The following AKAP6 variants were observed in gnomAD, a reference collection of about 807,000 sequenced individuals.
AKAP6 encodes A-kinase anchor protein 6.
AKAP6 carries 58 observed loss-of-function variants against 188.5 expected under a neutral mutation model. The ratio of observed to expected loss-of-function variants is 0.31; its 90% CI spans 0.25 to 0.38. The LOEUF is 0.38. Ranked by LOEUF, AKAP6 falls within the 10% of genes least tolerant of loss-of-function variation. AKAP6 has a pLI of 1.00. For synonymous variants in AKAP6, 989 were observed against 998.6 expected (o/e 0.99, Z 0.18); for missense variants, 2,710 against 2,740.0 (o/e 0.99, Z 0.24).
At chr14:32,800,059 C>CTATA (rs1305584690) in intron 12 of AKAP6, among the ~76,000 whole-genome samples, 11 of 111,368 alleles carry the variant, frequency 9.9e-5, no homozygotes, top group Admixed American at 1.8e-4. Context: ...CTCTCTCTCT[C>CTATA]TCTATATATA....
chr14:32,407,893 A>C lies in AKAP6; in HGVS notation c.-34-25567A>C, dbSNP rs1414767279. Among the ~76,000 whole-genome samples the C allele has an allele frequency of 2.0e-5, 3 of 152,210 alleles. No homozygotes were observed. The East Asian group carries it at 5.8e-4, about 29-fold the overall frequency. On this transcript the variant is annotated intron_variant, in intron 1 of 13. Transcript: ENST00000280979. ...AATCTGGGTAAAATAATTGCTTTTAATGACCGCTAGGAGTTTAGAAACATC... is the reference window on the plus strand; with the variant it reads ...AATCTGGGTAAAATAATTGCTTTTACTGACCGCTAGGAGTTTAGAAACATC...
At chr14:32,443,996 G>A (rs1890676952) in intron 2 of AKAP6, among the ~76,000 whole-genome samples, 1 of 152,088 alleles carries the variant, frequency 6.6e-6, no homozygotes, top group Admixed American at 6.5e-5. Context: ...CTGGAGCCAA[G>A]GCATGATGGG....
intron 1 of AKAP6, among the ~76,000 whole-genome samples, chr14:32,343,104 T>C (rs10139567): frequency 0.23 from 34,692 of 152,108 alleles, 4,528 homozygotes; most frequent in East Asian, 0.37. Context: ...GTTGGTAAGC[T>C]TGGGCTTGGG....
At chr14:32,366,969 A>C (rs1887856128) in intron 1 of AKAP6, among the ~76,000 whole-genome samples, 1 of 152,098 alleles carries the variant, frequency 6.6e-6, no homozygotes, top group African/African-American at 2.4e-5. Flanking sequence ...CTCTTCATGA[A>C]GCTCTGGAAT....
intron 2 of AKAP6, among the ~76,000 whole-genome samples, chr14:32,533,207 C>A (rs1373266109): frequency 6.6e-6 from 1 of 152,058 alleles, no homozygotes; most frequent in Non-Finnish European, 1.5e-5. Flanking sequence ...AAATGTGAAC[C>A]ACTTGCATTC....
chr14:32,683,663 A>G (rs1324350877), intron 8 of AKAP6, among the ~76,000 whole-genome samples: 1 of 152,200 alleles, frequency 6.6e-6, no homozygotes, highest in Non-Finnish European at 1.5e-5. Flanking sequence ...AAGAAGTGTC[A>G]TGGAGGATGG....
intron 1 of AKAP6, among the ~76,000 whole-genome samples, chr14:32,351,789 A>G (rs1172825169): frequency 6.6e-6 from 1 of 152,186 alleles, no homozygotes; most frequent in Non-Finnish European, 1.5e-5. Context: ...ATACATACAC[A>G]ATTATATCTA....
rs140520681 is a variant in AKAP6, at chr14:32,471,467, A to G, written c.324+37650A>G. Among the ~76,000 whole-genome samples, 360 of 152,378 alleles carry G rather than the reference A, an allele frequency of 2.4e-3. 14 individuals carry two copies. In the East Asian group the frequency reaches 0.065, roughly 28 times the overall value. ...CATAGTGCTACTTCCTAAACTGTGAATTAGCAGGCTGAACCTTTTAATAGT... is the reference window on the plus strand; with the variant it reads ...CATAGTGCTACTTCCTAAACTGTGAGTTAGCAGGCTGAACCTTTTAATAGT... On this transcript the variant is annotated intron_variant, in intron 2 of 13. Transcript: ENST00000280979.
chr14:32,678,264 A>G, intron 7 of AKAP6, 47 bp from the exon 8 acceptor site: 1 of 1,572,164 alleles, frequency 6.4e-7, no homozygotes, highest in Non-Finnish European at 8.7e-7. Context: ...CTTGAAATGC[A>G]TTCCTTCTGG....
At chr14:32,605,426 A>C (rs1031441443) in intron 7 of AKAP6, among the ~76,000 whole-genome samples, 12 of 152,172 alleles carry the variant, frequency 7.9e-5, no homozygotes. Flanking sequence ...GCAGATGATG[A>C]GTAGGCCAGC....
intron 13 of AKAP6, among the ~76,000 whole-genome samples, chr14:32,827,991 G>C (rs552021493): frequency 2.6e-5 from 4 of 152,184 alleles, no homozygotes; most frequent in South Asian, 4.2e-4. Flanking sequence ...TGGTGTTTTG[G>C]GGGGTGGGTT....
At chr14:32,447,443 T>A (rs1890793095) in intron 2 of AKAP6, among the ~76,000 whole-genome samples, 1 of 152,212 alleles carries the variant, frequency 6.6e-6, no homozygotes, top group African/African-American at 2.4e-5. Context: ...CAAGGACATT[T>A]CATTCACAAG....
chr14:32,412,997 G>C (rs1489475854), intron 1 of AKAP6, among the ~76,000 whole-genome samples: 3 of 151,994 alleles, frequency 2.0e-5, no homozygotes, highest in Non-Finnish European at 4.4e-5. Context: ...TTTATATACA[G>C]TGTCTTCTAG....
At chr14:32,599,667 A>G (rs1885843108) in intron 6 of AKAP6, among the ~76,000 whole-genome samples, 161 bp downstream of exon 6, 1 of 152,196 alleles carries the variant, frequency 6.6e-6, no homozygotes, top group Admixed American at 6.5e-5. Context: ...TATACTGCAT[A>G]CAATGCTGTG....
intron 1 of AKAP6, among the ~76,000 whole-genome samples, chr14:32,417,088 C>T (rs538970683): frequency 8.5e-5 from 13 of 152,200 alleles, no homozygotes; most frequent in Middle Eastern, 3.4e-3. Flanking sequence ...ATGATCTGCC[C>T]GCCTCACCTC....
At chr14:32,502,886 C>T (rs1447530892) in intron 2 of AKAP6, among the ~76,000 whole-genome samples, 2 of 151,988 alleles carry the variant, frequency 1.3e-5, no homozygotes, top group Non-Finnish European at 2.9e-5. Context: ...AACTGTATTG[C>T]AATAAATAAG....
intron 8 of AKAP6, among the ~76,000 whole-genome samples, chr14:32,690,481 T>C (rs1042829965): frequency 1.3e-5 from 2 of 152,158 alleles, no homozygotes; most frequent in Non-Finnish European, 1.5e-5. Flanking sequence ...ACAAGTAATA[T>C]ATTACCATCA....
intron 2 of AKAP6, among the ~76,000 whole-genome samples, chr14:32,532,986 G>A (rs1004082394): frequency 5.3e-5 from 8 of 152,144 alleles, no homozygotes; most frequent in African/African-American, 1.7e-4. Flanking sequence ...ATAGAGGTTG[G>A]TGGCATAGGG....
intron 2 of AKAP6, among the ~76,000 whole-genome samples, chr14:32,481,332 A>T (rs1879330145): frequency 6.6e-6 from 1 of 152,162 alleles, no homozygotes; most frequent in Non-Finnish European, 1.5e-5. Flanking sequence ...TTTCATATAC[A>T]TCCTTCCAGA....
Sources: gnomAD v4.1 joint callset for allele counts (sites outside exome capture counted in the v4.1 genomes callset) on GRCh38, gnomAD v4.1.1 for gene constraint, MANE v1.5 for transcripts, NCBI Gene and HGNC (gene_info 2026-07-23, HGNC 2026-07-21) for gene names.